The following ST3GAL2 variants were observed in gnomAD, a reference collection of about 807,000 sequenced individuals.
ST3GAL2 encodes the protein ST3 beta-galactoside alpha-2,3-sialyltransferase 2, also known as CMP-N-acetylneuraminate-beta-galactosamide-alpha-2,3-sialyltransferase 2.
ST3GAL2 carries 16 observed loss-of-function variants against 37.5 expected under a neutral mutation model. That is an observed-to-expected ratio of 0.43 (90% CI 0.29 to 0.65). The LOEUF is 0.65. Ranked by LOEUF, ST3GAL2 falls within the 30% of genes least tolerant of loss-of-function variation. ST3GAL2 has a pLI of 0.17. For missense variants in ST3GAL2, 383 were observed against 487.8 expected, an observed-to-expected ratio of 0.79 and a Z score of 2.02; for synonymous variants, 238 against 202.9, an observed-to-expected ratio of 1.17 and a Z score of -1.47.
In ST3GAL2 at chr16:70,382,813, A is replaced by G; in HGVS notation, c.871T>C (p.Cys291Arg). Reference sequence around the variant, plus strand: ...ACCACGGGCCTACCCACCTCATCACACACATGCAGGGCAAAGAAAAGCACC... The same window carrying G: ...ACCACGGGCCTACCCACCTCATCACGCACATGCAGGGCAAAGAAAAGCACC... ...MLVLFFALHV[C>R]DEVNVYGFGA... The change falls in exon 6 of 7, where the codon TGT becomes CGT. Residue 291 changes from cysteine to arginine, a missense_variant. Physicochemically the swap from Cys to Arg is radical, Grantham distance 180 (BLOSUM62 -3). Coordinates refer to ENST00000342907, the MANE Select transcript of ST3GAL2 (RefSeq NM_006927.4). 6.2e-7 allele frequency: 1 copy of G among 1,613,962 alleles called. No homozygotes were observed. Among genetic ancestry groups the G allele is most frequent in the Non-Finnish European group, 8.5e-7 (1 of 1,179,958 alleles).
chr16:70,417,627 C>G (rs184400158), intron 1 of ST3GAL2, among the ~76,000 whole-genome samples: 67 of 152,332 alleles, frequency 4.4e-4, no homozygotes, highest in African/African-American at 1.6e-3. Flanking sequence ...AGTTTCTCTG[C>G]AAGGCCAAAA....
chr16:70,397,262 C>T lies in ST3GAL2; in HGVS notation c.339+930G>A, dbSNP rs562248994. On this transcript the variant is annotated intron_variant, in intron 2 of 6. Coordinates refer to ENST00000342907, the MANE Select transcript of ST3GAL2 (RefSeq NM_006927.4). ...TTCACCACGTTGGTCAGGCTGGTCT[C>T]GAACTCCTGACCTCATGATCCGTCC... 2.0e-4 allele frequency among the ~76,000 whole-genome samples: 30 copies of T among 150,350 alleles called. 1 individual carries two copies. Among genetic ancestry groups the T allele is most frequent in the South Asian group, 6.5e-4 (3 of 4,628 alleles).
intron 3 of ST3GAL2, 83 bp from the exon 4 acceptor site, chr16:70,388,629 A>T: frequency 6.8e-7 from 1 of 1,474,440 alleles, no homozygotes; most frequent in African/African-American, 1.4e-5. Flanking sequence ...GAAGCCATCC[A>T]TCAAAAATGC....
chr16:70,419,871 G>A (rs117310386), intron 1 of ST3GAL2, among the ~76,000 whole-genome samples: 8 of 152,024 alleles, frequency 5.3e-5, no homozygotes, highest in African/African-American at 1.2e-4. Flanking sequence ...TGGGGTGTCC[G>A]CCAGAACCAC....
At chr16:70,396,823 G>A (rs1022652772) in intron 2 of ST3GAL2, among the ~76,000 whole-genome samples, 1 of 152,122 alleles carries the variant, frequency 6.6e-6, no homozygotes, top group Non-Finnish European at 1.5e-5. Context: ...GCAGAGCCTG[G>A]GGAGTGACAC....
intron 1 of ST3GAL2, among the ~76,000 whole-genome samples, chr16:70,438,747 G>A (rs2047845266): frequency 6.6e-6 from 1 of 152,134 alleles, no homozygotes; most frequent in South Asian, 2.1e-4. Flanking sequence ...CAAAGCAGAA[G>A]GCGGGGATCC....
At chr16:70,389,183 C>T (rs574923489) in intron 3 of ST3GAL2, among the ~76,000 whole-genome samples, 16 of 86,198 alleles carry the variant, frequency 1.9e-4, no homozygotes, top group South Asian at 7.4e-4. Flanking sequence ...ATCGAGACCA[C>T]GGTGAAACCC....
At chr16:70,383,278 C>T (rs781398888) in intron 4 of ST3GAL2, 43 bp from the exon 5 acceptor site, 17 of 1,575,470 alleles carry the variant, frequency 1.1e-5, no homozygotes, top group South Asian at 2.2e-5. Context: ...AGGCTGGGCA[C>T]GGTGGCTCAC....
intron 2 of ST3GAL2, among the ~76,000 whole-genome samples, chr16:70,397,552 C>T (rs879256950): frequency 6.6e-6 from 1 of 151,574 alleles, no homozygotes; most frequent in African/African-American, 2.4e-5. Flanking sequence ...GGTGAAACCC[C>T]GTCTGTACTA....
At chr16:70,384,726 A>C (rs75518100) in intron 4 of ST3GAL2, among the ~76,000 whole-genome samples, 14 of 145,532 alleles carry the variant, frequency 9.6e-5, no homozygotes, top group East Asian at 4.1e-4. Flanking sequence ...AAAAAAAAAA[A>C]CACAATAGTC....
intron 1 of ST3GAL2, among the ~76,000 whole-genome samples, chr16:70,404,572 T>C (rs1048453750): frequency 2.6e-5 from 4 of 152,186 alleles, no homozygotes; most frequent in African/African-American, 7.2e-5. Context: ...CGCAGAGACA[T>C]TGGAACCCTC....
chr16:70,407,338 G>A (rs1434217912), intron 1 of ST3GAL2, among the ~76,000 whole-genome samples: 3 of 152,026 alleles, frequency 2.0e-5, no homozygotes, highest in South Asian at 2.1e-4. Flanking sequence ...ATGAGGTTTC[G>A]CCATGTTGGC....
rs1216979074 is a variant in ST3GAL2, at chr16:70,377,054, A to T, written c.*4635T>A. 3 of 151,746 alleles carry T rather than the reference A, an allele frequency of 2.0e-5. No individual in the cohort carries two copies. Among genetic ancestry groups the T allele is most frequent in the Admixed American group, 6.6e-5 (1 of 15,174 alleles). The allele number at this position is 151,746 out of a possible 1,614,324, so 9.4% of individuals were successfully genotyped here. ...CCGTGCCTGGCCATAAAATGTTTTT[A>T]AAAAATTTTTTAGCTAGGCTCTAGC... On this transcript the variant is annotated 3_prime_UTR_variant, in exon 7 of 7. Coordinates refer to ENST00000342907, the MANE Select transcript of ST3GAL2 (RefSeq NM_006927.4).
intron 1 of ST3GAL2, among the ~76,000 whole-genome samples, chr16:70,409,562 C>T (rs1447873601): frequency 2.0e-5 from 3 of 152,024 alleles, no homozygotes; most frequent in East Asian, 3.9e-4. Context: ...AGGCTGGTCT[C>T]GAACTCCCAG....
chr16:70,428,136 C>A, intron 1 of ST3GAL2, among the ~76,000 whole-genome samples: 1 of 152,248 alleles, frequency 6.6e-6, no homozygotes, highest in East Asian at 1.9e-4. Flanking sequence ...TGGCACCACT[C>A]CTGGGGAGGC....
intron 2 of ST3GAL2, among the ~76,000 whole-genome samples, chr16:70,396,870 T>G (rs1436289919): frequency 2.0e-5 from 3 of 151,998 alleles, no homozygotes; most frequent in African/African-American, 7.3e-5. Context: ...GAATTAAAAG[T>G]AGCAGAAAAG....
chr16:70,399,244 C>A lies in ST3GAL2; in HGVS notation c.-714G>T. The A allele has an allele frequency of 2.5e-6, 1 of 398,820 alleles. No homozygotes were observed. The highest frequency in any genetic ancestry group is 4.4e-6 in the Non-Finnish European group (1 of 226,204). The allele number at this position is 398,820 out of a possible 1,614,324, so 24.7% of individuals were successfully genotyped here. On this transcript the variant is annotated 5_prime_UTR_variant, in exon 2 of 7. Coordinates refer to ENST00000342907, the MANE Select transcript of ST3GAL2 (RefSeq NM_006927.4). ...GTGCTGGTCCCTTCTCCTGGTGGCC[C>A]CAGCCCCAGCTGCAGTTGCGTAGGG...
intron 1 of ST3GAL2, among the ~76,000 whole-genome samples, chr16:70,438,513 TGA>T (rs1485937884): frequency 6.6e-6 from 1 of 151,904 alleles, no homozygotes; most frequent in East Asian, 1.9e-4. Flanking sequence ...AAAGAGGAGC[TGA>T]TGGGGCAGAC....
At chr16:70,386,290 C>T (rs1356433975) in intron 4 of ST3GAL2, among the ~76,000 whole-genome samples, 1 of 152,080 alleles carries the variant, frequency 6.6e-6, no homozygotes, top group East Asian at 1.9e-4. Context: ...CGGGTTCACG[C>T]CATTCTCCTG....
Sources: gnomAD v4.1 joint callset for allele counts (sites outside exome capture counted in the v4.1 genomes callset) on GRCh38, gnomAD v4.1.1 for gene constraint, MANE v1.5 for transcripts, NCBI Gene and HGNC (gene_info 2026-07-23, HGNC 2026-07-21) for gene names.